Variants in AGBL4 observed in about 807,000 individuals in gnomAD.
AGBL4 encodes the protein cytosolic carboxypeptidase 6.
In AGBL4, 58 loss-of-function variants were observed where a neutral mutation model predicts 66.4. The ratio of observed to expected loss-of-function variants is 0.87; its 90% CI spans 0.71 to 1.09. The LOEUF (loss-of-function observed/expected upper bound fraction) is 1.09, where lower values mean the gene tolerates loss of function less well. Ranked by LOEUF, AGBL4 falls within the 50% of genes least tolerant of loss-of-function variation. The pLI, the probability that AGBL4 is intolerant of heterozygous loss-of-function variation, is 0.00. For synonymous variants in AGBL4, 234 were observed against 222.9 expected (o/e 1.05, Z -0.44); for missense variants, 579 against 631.0 (o/e 0.92, Z 0.88).
intron 5 of AGBL4, among the ~76,000 whole-genome samples, chr1:49,004,126 T>G (rs1336717487): frequency 6.6e-6 from 1 of 152,180 alleles, no homozygotes; most frequent in Non-Finnish European, 1.5e-5. Context: ...CCTCTCTTAC[T>G]CCGCATAACT....
chr1:48,558,939 T>C (rs1197251071), intron 11 of AGBL4, among the ~76,000 whole-genome samples: 2 of 152,192 alleles, frequency 1.3e-5, no homozygotes, highest in Non-Finnish European at 2.9e-5. Flanking sequence ...AGGAAGAGAT[T>C]TGCAAATCAT....
At chr1:49,370,736 A>T in intron 3 of AGBL4, among the ~76,000 whole-genome samples, 1 of 152,338 alleles carries the variant, frequency 6.6e-6, no homozygotes, top group Non-Finnish European at 1.5e-5. Context: ...CAGTATCATT[A>T]TGAGATAAAA....
intron 6 of AGBL4, chr1:48,776,645 C>T (rs1645103441): frequency 1.3e-6 from 2 of 1,485,372 alleles, no homozygotes; most frequent in Non-Finnish European, 8.9e-7. Flanking sequence ...AGCAACAGCG[C>T]GCCCCAGTCG....
intron 5 of AGBL4, among the ~76,000 whole-genome samples, chr1:49,030,590 T>C (rs910561484): frequency 6.6e-6 from 1 of 151,950 alleles, no homozygotes; most frequent in South Asian, 2.1e-4. Context: ...GCGAACCCTA[T>C]TGTGAACTGT....
chr1:49,298,532 G>C (rs1644684935), intron 3 of AGBL4, among the ~76,000 whole-genome samples: 1 of 152,168 alleles, frequency 6.6e-6, no homozygotes, highest in South Asian at 2.1e-4. Context: ...CAGCAATCAT[G>C]CTAAATCAGG....
intron 3 of AGBL4, among the ~76,000 whole-genome samples, chr1:49,655,825 A>T (rs1478144390): frequency 6.6e-6 from 1 of 152,190 alleles, no homozygotes; most frequent in African/African-American, 2.4e-5. Context: ...TAAAGAAAAG[A>T]GAGAATATTC....
At chr1:50,011,432 T>C (rs941672543) in intron 1 of AGBL4, among the ~76,000 whole-genome samples, 12 of 152,114 alleles carry the variant, frequency 7.9e-5, no homozygotes, top group African/African-American at 2.9e-4. Flanking sequence ...ATACTGCTGG[T>C]GGGAATGTAA....
intron 11 of AGBL4, among the ~76,000 whole-genome samples, chr1:48,579,066 C>A (rs1023831293): frequency 1.2e-4 from 19 of 152,084 alleles, no homozygotes; most frequent in African/African-American, 4.6e-4. Flanking sequence ...GCCTTTAGAG[C>A]CCTCTGCCAA....
chr1:48,545,695 T>C (rs6673507), intron 11 of AGBL4, among the ~76,000 whole-genome samples: 1,987 of 152,234 alleles, frequency 0.013, 45 homozygotes, highest in African/African-American at 0.046. Flanking sequence ...GCCAGCCACA[T>C]GGGGAAGATG....
chr1:49,687,414 G>T (rs1414342513), intron 3 of AGBL4, among the ~76,000 whole-genome samples: 1 of 152,096 alleles, frequency 6.6e-6, no homozygotes, highest in African/African-American at 2.4e-5. Flanking sequence ...TAGTTACTAG[G>T]TTTATTATCA....
rs773533100 is a variant in AGBL4 at position 49,633,963 on chromosome 1, CATA to C, written c.282+63347_282+63349del. ...TAAAATTATTAAAATAATTTTTTTTCATAATATTTTAAGTCAATTTATTCAAAA... is the reference window on the plus strand; with the variant it reads ...TAAAATTATTAAAATAATTTTTTTTCATATTTTAAGTCAATTTATTCAAAA... On this transcript the variant is annotated intron_variant, in intron 3 of 13. Transcript: ENST00000371839. Among the ~76,000 whole-genome samples the C allele has an allele frequency of 8.9e-3, 1,300 of 145,542 alleles. 7 individuals carry two copies. The highest frequency in any genetic ancestry group is 0.035 in the Middle Eastern group (9 of 260).
intron 2 of AGBL4, among the ~76,000 whole-genome samples, chr1:49,804,136 C>A (rs1644925174): frequency 6.6e-6 from 1 of 152,064 alleles, no homozygotes; most frequent in South Asian, 2.1e-4. Context: ...AACCATAATT[C>A]TTTTATATTA....
intron 3 of AGBL4, among the ~76,000 whole-genome samples, chr1:49,292,545 C>A (rs1644561473): frequency 6.6e-6 from 1 of 152,168 alleles, no homozygotes; most frequent in Non-Finnish European, 1.5e-5. Context: ...CAGAACTGAG[C>A]AGACATGGGG....
At chr1:49,602,842 A>C (rs1403099056) in intron 3 of AGBL4, among the ~76,000 whole-genome samples, 2 of 151,090 alleles carry the variant, frequency 1.3e-5, no homozygotes, top group Non-Finnish European at 3.0e-5. Flanking sequence ...TAAATAAATA[A>C]ATAAATAAAT....
intron 6 of AGBL4, among the ~76,000 whole-genome samples, chr1:48,706,681 A>G (rs1191916886): frequency 6.6e-6 from 1 of 152,224 alleles, no homozygotes; most frequent in African/African-American, 2.4e-5. Flanking sequence ...ACAGAAAAAT[A>G]GTAAATTTGA....
intron 3 of AGBL4, among the ~76,000 whole-genome samples, chr1:49,382,463 C>T (rs559033055): frequency 6.6e-6 from 1 of 151,884 alleles, no homozygotes; most frequent in South Asian, 2.1e-4. Flanking sequence ...ATTCAATACC[C>T]TTTCATGATG....
intron 2 of AGBL4, among the ~76,000 whole-genome samples, chr1:49,788,623 T>C (rs1644518213): frequency 6.6e-6 from 1 of 152,034 alleles, no homozygotes; most frequent in Non-Finnish European, 1.5e-5. Flanking sequence ...AAACTTACAA[T>C]GATGGAAATT....
At chr1:49,054,029 T>C (rs1644266848) in intron 4 of AGBL4, among the ~76,000 whole-genome samples, 1 of 152,144 alleles carries the variant, frequency 6.6e-6, no homozygotes, top group Admixed American at 6.6e-5. Context: ...GAAATTATTC[T>C]AGAACAGTCA....
chr1:49,657,092 G>C (rs932937960), intron 3 of AGBL4, among the ~76,000 whole-genome samples: 1 of 152,166 alleles, frequency 6.6e-6, no homozygotes, highest in Non-Finnish European at 1.5e-5. Context: ...TGACATGATT[G>C]TATATCTAGA....
Sources: allele counts gnomAD v4.1 joint callset (sites outside exome capture counted in the v4.1 genomes callset), GRCh38; gene constraint gnomAD v4.1.1; transcripts MANE v1.5; gene names NCBI Gene and HGNC (gene_info 2026-07-23, HGNC 2026-07-21).